TPD52L1: variants seen among roughly 807,000 people sequenced by gnomAD.
The protein encoded by TPD52L1 is tumor protein D53.
In TPD52L1, 18 loss-of-function variants were observed where a neutral mutation model predicts 28.7. The observed-to-expected ratio is 0.63, with a 90% CI of 0.43 to 0.93. The LOEUF (loss-of-function observed/expected upper bound fraction) is 0.93, where lower values mean the gene tolerates loss of function less well. Ranked by LOEUF, TPD52L1 falls within the 40% of genes least tolerant of loss-of-function variation. TPD52L1 has a pLI of 0.00. For synonymous variants in TPD52L1, 75 were observed against 88.8 expected (o/e 0.84, Z 0.88); for missense variants, 203 against 254.8 (o/e 0.80, Z 1.39).
At chr6:125,210,922 G>A (rs1233040650) in intron 1 of TPD52L1, among the ~76,000 whole-genome samples, 1 of 152,106 alleles carries the variant, frequency 6.6e-6, no homozygotes, top group East Asian at 1.9e-4. Flanking sequence ...CCTGAGATTG[G>A]TTTGTTCCCC....
chr6:125,220,677 A>T (rs957570043), intron 2 of TPD52L1, among the ~76,000 whole-genome samples: 1 of 152,212 alleles, frequency 6.6e-6, no homozygotes, highest in East Asian at 1.9e-4. Flanking sequence ...TGGCAGAAAA[A>T]TAAAGCTCTA....
intron 4 of TPD52L1, among the ~76,000 whole-genome samples, chr6:125,250,294 G>T (rs1278585383): frequency 6.6e-6 from 1 of 152,156 alleles, no homozygotes; most frequent in African/African-American, 2.4e-5. Flanking sequence ...ACCTCTCAGA[G>T]GTTGTGCTCA....
intron 1 of TPD52L1, among the ~76,000 whole-genome samples, chr6:125,171,662 T>A (rs1211125596): frequency 6.6e-6 from 1 of 152,066 alleles, no homozygotes; most frequent in East Asian, 1.9e-4. Flanking sequence ...AGAAAGTGAG[T>A]TCTGCCAACA....
At chr6:125,209,036 C>T (rs566146481) in intron 1 of TPD52L1, 2 of 787,166 alleles carry the variant, frequency 2.5e-6, no homozygotes, top group Admixed American at 6.2e-5. Context: ...TCTGACACAG[C>T]TTTATTTATT....
chr6:125,210,081 CT>C (rs1194534176), intron 1 of TPD52L1, among the ~76,000 whole-genome samples: 1 of 151,942 alleles, frequency 6.6e-6, no homozygotes, highest in Non-Finnish European at 1.5e-5. Context: ...AAAAATGAGG[CT>C]TATTTTTAGG....
chr6:125,170,487 T>C (rs945256828), intron 1 of TPD52L1, among the ~76,000 whole-genome samples: 3 of 151,338 alleles, frequency 2.0e-5, no homozygotes, highest in African/African-American at 7.3e-5. Context: ...CTGGTAGCTC[T>C]CATATAAATC....
At chr6:125,253,977 T>C in intron 5 of TPD52L1, 1 of 736,060 alleles carries the variant, frequency 1.4e-6, no homozygotes, top group Admixed American at 1.8e-5. Context: ...CCAAGACAAG[T>C]GACTTAACCT....
intron 1 of TPD52L1, among the ~76,000 whole-genome samples, chr6:125,172,528 A>T (rs1490128202): frequency 1.2e-5 from 1 of 83,462 alleles, no homozygotes; most frequent in African/African-American, 5.1e-5. Flanking sequence ...ATATATATAT[A>T]TATATATATA....
intron 1 of TPD52L1, among the ~76,000 whole-genome samples, chr6:125,190,738 A>T (rs561564394): frequency 6.6e-6 from 1 of 152,224 alleles, no homozygotes; most frequent in South Asian, 2.1e-4. Context: ...AGATCCCTCA[A>T]TGTGCAGTTT....
intron 1 of TPD52L1, among the ~76,000 whole-genome samples, chr6:125,178,612 C>T (rs554831192): frequency 1.1e-4 from 16 of 150,744 alleles, no homozygotes; most frequent in African/African-American, 4.0e-4. Flanking sequence ...CAGAGTGAGA[C>T]TCCATCTAAA....
intron 1 of TPD52L1, among the ~76,000 whole-genome samples, chr6:125,191,861 T>C (rs1362762366): frequency 8.5e-5 from 13 of 152,114 alleles, no homozygotes; most frequent in Admixed American, 8.5e-4. Flanking sequence ...TTTAACAAGG[T>C]AAGTTCAAGA....
At position 125,192,733 on chromosome 6, in the gene TPD52L1, C is replaced by T. The variant is rs540556370; in HGVS notation, c.20-27345C>T. On this transcript the variant is annotated intron_variant, in intron 1 of 6. Transcript: ENST00000534000. ...TACCAACCAAGCACTTTGCTGCATA[C>T]GGTCGGCTTTGGTGGCGGGCCTGAG... 1.2e-4 allele frequency among the ~76,000 whole-genome samples: 18 copies of T among 152,316 alleles called. No homozygotes were observed. The East Asian group carries it at 3.3e-3, about 28-fold the overall frequency.
intron 1 of TPD52L1, among the ~76,000 whole-genome samples, chr6:125,171,620 A>G (rs770964480): frequency 6.6e-6 from 1 of 152,196 alleles, no homozygotes; most frequent in Non-Finnish European, 1.5e-5. Flanking sequence ...AAGGAAGGCA[A>G]CAAAAACCTG....
intron 3 of TPD52L1, among the ~76,000 whole-genome samples, chr6:125,233,125 A>G (rs1235148507): frequency 6.6e-6 from 1 of 152,172 alleles, no homozygotes; most frequent in East Asian, 1.9e-4. Flanking sequence ...TCCCCCCACT[A>G]ATAAACCCCT....
chr6:125,257,561 T>C (rs955594599), intron 6 of TPD52L1, among the ~76,000 whole-genome samples: 9 of 152,192 alleles, frequency 5.9e-5, no homozygotes, highest in Non-Finnish European at 1.0e-4. Flanking sequence ...AAAAACAAAC[T>C]GGGGACTACG....
chr6:125,165,092 A>ATATATATATTTTTT, intron 1 of TPD52L1, among the ~76,000 whole-genome samples: 3 of 104,194 alleles, frequency 2.9e-5, no homozygotes, highest in African/African-American at 1.8e-4. Flanking sequence ...AAAGATATAT[A>ATATATATATTTTTT]TATATATTTT....
At chr6:125,207,713 T>C (rs549778021) in intron 1 of TPD52L1, among the ~76,000 whole-genome samples, 6 of 152,302 alleles carry the variant, frequency 3.9e-5, no homozygotes, top group East Asian at 3.9e-4. Context: ...CATTTCACCC[T>C]CCATGGGACT....
chr6:125,216,521 ATG>A (rs373408548), intron 1 of TPD52L1, among the ~76,000 whole-genome samples: 3,293 of 64,966 alleles, frequency 0.051, 102 homozygotes, highest in African/African-American at 0.1. Context: ...TAAATTCAGT[ATG>A]TGTGTGTATA....
rs776837951 is a variant in TPD52L1 at position 125,262,873 on chromosome 6, G to A, written c.526G>A (p.Glu176Lys). 1.2e-6 allele frequency: 2 copies of A among 1,614,224 alleles called. No homozygotes were observed. The highest frequency in any genetic ancestry group is 4.5e-5 in the East Asian group (2 of 44,880). Residue 176 changes from glutamate to lysine, a missense_variant, in exon 7 of 7, where the codon GAG (glutamate) becomes AAG (lysine). By Grantham distance (56) the Glu-to-Lys change is moderately conservative. Coordinates refer to ENST00000534000, the MANE Select transcript of TPD52L1 (RefSeq NM_003287.4). The stretch of plus-strand genomic sequence containing the variant: ...TACGAACCCTAATGGAGGCAGTTTT[G>A]AGGAGGTCCTCAGCTCCACGGCCCA... ...GGTNPNGGSFEEVLSSTAHAS... is the reference protein window; with the variant it reads ...GGTNPNGGSFKEVLSSTAHAS...
Sources: gnomAD v4.1 joint callset for allele counts (sites outside exome capture counted in the v4.1 genomes callset) on GRCh38, gnomAD v4.1.1 for gene constraint, MANE v1.5 for transcripts, NCBI Gene and HGNC (gene_info 2026-07-23, HGNC 2026-07-21) for gene names.